The following CTNNA3 variants were observed in gnomAD, a reference collection of about 807,000 sequenced individuals.
CTNNA3 encodes catenin alpha 3.
Under a neutral mutation model 95.7 loss-of-function variants are expected in CTNNA3, and 76 were observed. The observed-to-expected ratio is 0.79, with a 90% CI of 0.66 to 0.96. The LOEUF is 0.96. Ranked by LOEUF, CTNNA3 falls within the 40% of genes least tolerant of loss-of-function variation. The pLI, the probability that CTNNA3 is intolerant of heterozygous loss-of-function variation, is 0.00. For synonymous variants in CTNNA3, 431 were observed against 374.4 expected (o/e 1.15, Z -1.74); for missense variants, 1,191 against 1,089.8 (o/e 1.09, Z -1.31).
At chr10:66,687,252 T>C (rs964496540) in intron 9 of CTNNA3, among the ~76,000 whole-genome samples, 26 of 152,164 alleles carry the variant, frequency 1.7e-4, no homozygotes, top group African/African-American at 6.0e-4. Context: ...AAAAAGGTGA[T>C]AAATTTCAAA....
intron 15 of CTNNA3, among the ~76,000 whole-genome samples, chr10:66,063,801 A>G (rs2080258702): frequency 6.6e-6 from 1 of 151,936 alleles, no homozygotes; most frequent in South Asian, 2.1e-4. Flanking sequence ...CATTATTGTA[A>G]AGATGTCTTG....
intron 13 of CTNNA3, among the ~76,000 whole-genome samples, chr10:66,152,788 GC>G (rs2084272148): frequency 6.6e-6 from 1 of 151,834 alleles, no homozygotes; most frequent in Non-Finnish European, 1.5e-5. Flanking sequence ...CTTCTAAAGT[GC>G]CCTACTGAAA....
At chr10:66,713,095 A>G (rs898038694) in intron 9 of CTNNA3, among the ~76,000 whole-genome samples, 2 of 152,098 alleles carry the variant, frequency 1.3e-5, no homozygotes, top group African/African-American at 4.8e-5. Context: ...ACAGAGCTTT[A>G]GTTCCACACA....
At chr10:67,232,160 A>G (rs1195399237) in intron 5 of CTNNA3, among the ~76,000 whole-genome samples, 2 of 152,136 alleles carry the variant, frequency 1.3e-5, no homozygotes, top group African/African-American at 4.8e-5. Flanking sequence ...AATACAGAGA[A>G]CGCCACAAAG....
At chr10:67,522,516 C>G (rs1203877282) in intron 4 of CTNNA3, among the ~76,000 whole-genome samples, 1 of 152,006 alleles carries the variant, frequency 6.6e-6, no homozygotes, top group Non-Finnish European at 1.5e-5. Flanking sequence ...GGAAGGAAAA[C>G]TTAACATTTT....
intron 5 of CTNNA3, among the ~76,000 whole-genome samples, chr10:67,488,265 C>A (rs1321406471): frequency 6.6e-6 from 1 of 152,120 alleles, no homozygotes; most frequent in African/African-American, 2.4e-5. Context: ...CTTTTGAAAG[C>A]AAGAAATGAA....
intron 9 of CTNNA3, among the ~76,000 whole-genome samples, chr10:66,681,285 G>A (rs1305387220): frequency 1.3e-5 from 2 of 152,134 alleles, no homozygotes; most frequent in Non-Finnish European, 2.9e-5. Flanking sequence ...TGCCATCAAT[G>A]TGCTGGAGTC....
intron 5 of CTNNA3, among the ~76,000 whole-genome samples, chr10:67,342,015 ATTCT>A (rs1842211291): frequency 4.8e-5 from 1 of 20,754 alleles, no homozygotes; most frequent in Non-Finnish European, 1.9e-4. Context: ...AACTCCATCT[ATTCT>A]ACATAGCTAT....
At chr10:66,156,077 AC>A (rs1183910630) in intron 13 of CTNNA3, among the ~76,000 whole-genome samples, 1 of 151,918 alleles carries the variant, frequency 6.6e-6, no homozygotes, top group Non-Finnish European at 1.5e-5. Flanking sequence ...TTACACATCC[AC>A]CAGAATAGAT....
intron 7 of CTNNA3, among the ~76,000 whole-genome samples, chr10:67,087,700 G>T (rs1298552912): frequency 6.6e-6 from 1 of 151,922 alleles, no homozygotes; most frequent in African/African-American, 2.4e-5. Flanking sequence ...CTAAGCTAAT[G>T]TCATAATGGC....
chr10:66,103,393 A>G, intron 13 of CTNNA3, 144 bp from the exon 14 acceptor site: 1 of 656,888 alleles, frequency 1.5e-6, no homozygotes, highest in South Asian at 1.8e-5. Flanking sequence ...CTCAAGAGAA[A>G]GGAAGGCATA....
At chr10:65,968,527 G>T (rs1310570311) in intron 16 of CTNNA3, among the ~76,000 whole-genome samples, 1 of 152,168 alleles carries the variant, frequency 6.6e-6, no homozygotes, top group Non-Finnish European at 1.5e-5. Context: ...GTACCAGCTT[G>T]CCTAAATCAT....
At chr10:66,662,051 A>G (rs962891644) in intron 9 of CTNNA3, among the ~76,000 whole-genome samples, 2 of 152,144 alleles carry the variant, frequency 1.3e-5, no homozygotes, top group Non-Finnish European at 2.9e-5. Flanking sequence ...TGACCTCTAC[A>G]TTTGCAGTTG....
At chr10:67,455,217 C>G (rs1452266908) in intron 5 of CTNNA3, among the ~76,000 whole-genome samples, 1 of 151,980 alleles carries the variant, frequency 6.6e-6, no homozygotes, top group African/African-American at 2.4e-5. Flanking sequence ...GTGATGGCAT[C>G]TTAGATACAA....
intron 5 of CTNNA3, among the ~76,000 whole-genome samples, chr10:67,305,497 C>G (rs1289814617): frequency 6.6e-6 from 1 of 151,650 alleles, no homozygotes; most frequent in Non-Finnish European, 1.5e-5. Context: ...GTACCCTATG[C>G]TAACTATGCT....
chr10:66,478,990 G>A (rs1439758776), intron 11 of CTNNA3, among the ~76,000 whole-genome samples: 1 of 151,620 alleles, frequency 6.6e-6, no homozygotes, highest in Admixed American at 6.6e-5. Flanking sequence ...CTAACCCAAG[G>A]TCATAAAGAT....
intron 7 of CTNNA3, among the ~76,000 whole-genome samples, chr10:67,064,663 T>C (rs1855962381): frequency 6.6e-6 from 1 of 152,168 alleles, no homozygotes; most frequent in South Asian, 2.1e-4. Flanking sequence ...TTTAAGGGTT[T>C]GTTTTGCTAA....
chr10:65,924,550 T>A (rs1298003971), intron 17 of CTNNA3, among the ~76,000 whole-genome samples: 2 of 152,184 alleles, frequency 1.3e-5, no homozygotes, highest in Admixed American at 1.3e-4. Flanking sequence ...ACTCTTTCAA[T>A]CTCGATCATT....
chr10:67,517,127 T>A (rs889715714), intron 5 of CTNNA3, among the ~76,000 whole-genome samples: 2 of 152,172 alleles, frequency 1.3e-5, no homozygotes, highest in African/African-American at 2.4e-5. Flanking sequence ...AAAAGTAAGA[T>A]TGATAGGTCT....
Sources: allele counts gnomAD v4.1 joint callset (sites outside exome capture counted in the v4.1 genomes callset), GRCh38; gene constraint gnomAD v4.1.1; transcripts MANE v1.5; gene names NCBI Gene and HGNC (gene_info 2026-07-23, HGNC 2026-07-21).